Variants in AUTS2 observed in about 807,000 individuals in gnomAD.
AUTS2 encodes activator of transcription and developmental regulator AUTS2.
Under a neutral mutation model 112.4 loss-of-function variants are expected in AUTS2, and 17 were observed. That is an observed-to-expected ratio of 0.15 (90% CI 0.10 to 0.23). AUTS2 has a LOEUF of 0.23. AUTS2 is among the 10% of genes least tolerant of loss of function. The probability of loss-of-function intolerance (pLI) is 1.00; values close to 1 mark genes in which losing one functional copy is unlikely to be tolerated. For missense variants in AUTS2, 1,510 were observed against 1,701.6 expected (o/e 0.89, Z 1.98); for synonymous variants, 751 against 702.7 (o/e 1.07, Z -1.09).
intron 5 of AUTS2, among the ~76,000 whole-genome samples, chr7:70,482,869 TACAC>T (rs35986288): frequency 6.6e-6 from 1 of 151,668 alleles, no homozygotes; most frequent in Non-Finnish European, 1.5e-5. Context: ...TATATATGTG[TACAC>T]ACACACACAC....
chr7:70,575,318 G>A (rs1802114687), intron 5 of AUTS2, among the ~76,000 whole-genome samples: 1 of 152,174 alleles, frequency 6.6e-6, no homozygotes, highest in Non-Finnish European at 1.5e-5. Context: ...GGGCACCCCT[G>A]CCTGTGTGCA....
intron 1 of AUTS2, among the ~76,000 whole-genome samples, chr7:69,699,430 ATAC>A (rs1797704104): frequency 6.6e-6 from 1 of 152,104 alleles, no homozygotes; most frequent in Non-Finnish European, 1.5e-5. Context: ...CATATTTAGC[ATAC>A]TATAAGCACT....
chr7:70,367,876 A>G (rs1322972309), intron 4 of AUTS2, among the ~76,000 whole-genome samples: 2 of 152,176 alleles, frequency 1.3e-5, no homozygotes, highest in Non-Finnish European at 1.5e-5. Context: ...GAATGATGAG[A>G]GTAGAGACTG....
chr7:69,955,301 A>G (rs1797171053), intron 2 of AUTS2, among the ~76,000 whole-genome samples: 1 of 152,174 alleles, frequency 6.6e-6, no homozygotes, highest in Non-Finnish European at 1.5e-5. Flanking sequence ...GTCAGGATGC[A>G]TAAACCTCTG....
Position 70,134,583 on chromosome 7 carries a change from T to C in AUTS2, c.660+12T>C. ...GAACAGGCTACTTCGTAAGTCTATC[T>C]CAACTTCCACATATGTGCCTTGCAT... On this transcript the variant is annotated intron_variant, in intron 4 of 18. Transcript: ENST00000342771. 1.2e-6 allele frequency: 2 copies of C among 1,612,928 alleles called. No homozygotes were observed. Among genetic ancestry groups the C allele is most frequent in the Non-Finnish European group, 1.7e-6 (2 of 1,179,060 alleles).
At chr7:70,470,814 T>C (rs1360303264) in intron 5 of AUTS2, among the ~76,000 whole-genome samples, 1 of 152,128 alleles carries the variant, frequency 6.6e-6, no homozygotes, top group Non-Finnish European at 1.5e-5. Context: ...CCCTTTCTTT[T>C]GCCCTCCAGC....
chr7:70,429,024 T>C (rs1795543116), intron 4 of AUTS2, among the ~76,000 whole-genome samples: 1 of 152,244 alleles, frequency 6.6e-6, no homozygotes, highest in African/African-American at 2.4e-5. Context: ...TGGAAGATAT[T>C]TTCTTCTGGG....
chr7:69,851,888 T>G (rs1792499526), intron 1 of AUTS2, among the ~76,000 whole-genome samples: 1 of 152,204 alleles, frequency 6.6e-6, no homozygotes. Context: ...TTTTTTGGGA[T>G]TTTTGTAAGC....
rs189351885 is a variant in AUTS2, at chr7:70,623,995, T to G, written c.691-74574T>G. 5.2e-5 allele frequency among the ~76,000 whole-genome samples: 8 copies of G among 152,382 alleles called. No individual in the cohort carries two copies. In the East Asian group the frequency reaches 1.3e-3, roughly 26 times the overall value. On this transcript the variant is annotated intron_variant, in intron 5 of 18. Coordinates refer to ENST00000342771, the MANE Select transcript of AUTS2 (RefSeq NM_015570.4). ...ACTCCCTCTCTCTGGTAATCGTCGC[T>G]GTCTCCTTCCATCAGGTTAGACTAC...
rs114921403 is a variant in AUTS2 at position 69,793,886 on chromosome 7, G to T, written c.310-105400G>T. Among the ~76,000 whole-genome samples, 1,348 of 152,304 alleles carry T rather than the reference G, an allele frequency of 8.9e-3. 23 individuals are homozygous for T. Among genetic ancestry groups the T allele is most frequent in the African/African-American group, 0.031 (1,284 of 41,562 alleles). ...GTCATTCAGATGGGGGATAGTCAGAGAAGGAAAGGTATTCCAAGCTTGAGA... is the reference window on the plus strand; with the variant it reads ...GTCATTCAGATGGGGGATAGTCAGATAAGGAAAGGTATTCCAAGCTTGAGA... On this transcript the variant is annotated intron_variant, in intron 1 of 18. Transcript: ENST00000342771.
At chr7:70,538,290 G>A (rs1046634939) in intron 5 of AUTS2, among the ~76,000 whole-genome samples, 2 of 152,134 alleles carry the variant, frequency 1.3e-5, no homozygotes, top group Non-Finnish European at 2.9e-5. Flanking sequence ...CACTTTGAGA[G>A]GTCAAGGCAG....
chr7:69,644,625 A>G (rs897756847), intron 1 of AUTS2, among the ~76,000 whole-genome samples: 1 of 152,056 alleles, frequency 6.6e-6, no homozygotes, highest in Non-Finnish European at 1.5e-5. Context: ...AACTTCCTTT[A>G]CTTCTGCAAT....
intron 5 of AUTS2, among the ~76,000 whole-genome samples, chr7:70,663,673 A>G (rs1807189686): frequency 6.6e-6 from 1 of 152,040 alleles, no homozygotes; most frequent in Admixed American, 6.6e-5. Flanking sequence ...GCCAAGAACT[A>G]GTCATGTGAC....
chr7:70,107,358 T>C (rs1042674113), intron 2 of AUTS2, among the ~76,000 whole-genome samples: 2 of 126,834 alleles, frequency 1.6e-5, no homozygotes, highest in Admixed American at 8.0e-5. Context: ...TTTTTTTTTT[T>C]CTTTGAGACT....
chr7:70,422,442 G>A (rs569868438), intron 4 of AUTS2, among the ~76,000 whole-genome samples: 8 of 152,202 alleles, frequency 5.3e-5, no homozygotes, highest in African/African-American at 1.9e-4. Context: ...TTCTTCAAGT[G>A]CATGCTGTTA....
chr7:69,942,320 A>G (rs187934889), intron 2 of AUTS2, among the ~76,000 whole-genome samples: 1 of 152,334 alleles, frequency 6.6e-6, no homozygotes, highest in African/African-American at 2.4e-5. Flanking sequence ...TATCTTCTGA[A>G]TATCAGTGAT....
chr7:70,367,488 G>A (rs145562166), intron 4 of AUTS2, among the ~76,000 whole-genome samples: 10 of 151,694 alleles, frequency 6.6e-5, no homozygotes, highest in South Asian at 2.1e-4. Flanking sequence ...CCCATGAGGC[G>A]GAGCTTGCAG....
intron 4 of AUTS2, among the ~76,000 whole-genome samples, chr7:70,415,157 C>T (rs558761293): frequency 6.6e-6 from 1 of 152,224 alleles, no homozygotes; most frequent in African/African-American, 2.4e-5. Context: ...TAGCCTTTCT[C>T]TGGCCTTCGT....
At chr7:70,125,600 C>T (rs760606649) in intron 3 of AUTS2, among the ~76,000 whole-genome samples, 1 of 152,136 alleles carries the variant, frequency 6.6e-6, no homozygotes, top group Non-Finnish European at 1.5e-5. Flanking sequence ...GATGCTGTCT[C>T]CTCCTTATCC....
Sources: allele counts gnomAD v4.1 joint callset (sites outside exome capture counted in the v4.1 genomes callset), GRCh38; gene constraint gnomAD v4.1.1; transcripts MANE v1.5; gene names NCBI Gene and HGNC (gene_info 2026-07-23, HGNC 2026-07-21).